LMX1B: variants seen among roughly 807,000 people sequenced by gnomAD.
LMX1B encodes the protein LIM homeobox transcription factor 1-beta.
Under a neutral mutation model 51.4 loss-of-function variants are expected in LMX1B, and 12 were observed. The ratio of observed to expected loss-of-function variants is 0.23; its 90% CI spans 0.15 to 0.38. LMX1B has a LOEUF of 0.38. LMX1B is among the 10% of genes least tolerant of loss of function. The pLI is 1.00. For missense variants in LMX1B, 445 were observed against 571.1 expected (o/e 0.78, Z 2.25); for synonymous variants, 237 against 235.4 (o/e 1.01, Z -0.06).
intron 2 of LMX1B, among the ~76,000 whole-genome samples, chr9:126,672,349 G>A (rs1411185103): frequency 6.6e-6 from 1 of 152,252 alleles, no homozygotes; most frequent in Non-Finnish European, 1.5e-5. Context: ...GGCTCTAGGT[G>A]AAGCAGGGTT....
At chr9:126,659,460 C>T (rs781453460) in intron 2 of LMX1B, among the ~76,000 whole-genome samples, 2 of 152,246 alleles carry the variant, frequency 1.3e-5, no homozygotes, top group African/African-American at 2.4e-5. Context: ...CTCATCCCAG[C>T]AGGGCGGGCA....
intron 2 of LMX1B, among the ~76,000 whole-genome samples, chr9:126,669,243 AG>A (rs1564161486): frequency 4.5e-5 from 2 of 44,866 alleles, no homozygotes; most frequent in African/African-American, 2.1e-4. Context: ...CCTGGCCGCG[AG>A]GAGGGTGGAG....
At chr9:126,679,870 A>G (rs1836641301) in intron 2 of LMX1B, among the ~76,000 whole-genome samples, 1 of 152,082 alleles carries the variant, frequency 6.6e-6, no homozygotes, top group African/African-American at 2.4e-5. Flanking sequence ...CCCAGCCCCA[A>G]CACTTCCCCC....
chr9:126,680,843 A>G (rs1476768475), intron 2 of LMX1B, among the ~76,000 whole-genome samples: 1 of 152,242 alleles, frequency 6.6e-6, no homozygotes, highest in East Asian at 1.9e-4. Flanking sequence ...GGCACATCAT[A>G]GCTCGCAGCC....
intron 2 of LMX1B, among the ~76,000 whole-genome samples, chr9:126,620,896 G>C (rs1279907851): frequency 6.6e-6 from 1 of 152,210 alleles, no homozygotes; most frequent in African/African-American, 2.4e-5. Context: ...CAATGGAGAA[G>C]GGGGTAGGTG....
intron 2 of LMX1B, among the ~76,000 whole-genome samples, chr9:126,633,115 T>C (rs1835659956): frequency 6.6e-6 from 1 of 152,200 alleles, no homozygotes. Flanking sequence ...TCCCAAGGCC[T>C]GGCACAAGAG....
chr9:126,664,602 G>A (rs1175670929), intron 2 of LMX1B, among the ~76,000 whole-genome samples: 2 of 152,318 alleles, frequency 1.3e-5, no homozygotes, highest in Middle Eastern at 3.4e-3. Flanking sequence ...TTGGCTGGGC[G>A]CGGTGGCTCA....
At position 126,615,591 on chromosome 9, in the gene LMX1B, T is replaced by C; in HGVS notation, c.326+22T>C. ...AACAGTAAGCGCTTCTCGTCCTCCT[T>C]CCCCGCCACCGCCCGGCACTCGAGC... is the stretch of plus-strand genomic sequence containing the variant. On this transcript the variant is annotated intron_variant, in intron 2 of 7. Transcript: ENST00000373474. The surrounding 1 kb of genome is among the most constrained non-coding windows in gnomAD (Gnocchi z 6.0). 1 of 1,586,712 alleles carries C rather than the reference T, an allele frequency of 6.3e-7. No individual in the cohort carries two copies. Among genetic ancestry groups the C allele is most frequent in the South Asian group, 1.1e-5 (1 of 87,944 alleles).
chr9:126,614,424 G>A lies in LMX1B; in HGVS notation c.-26G>A. The A allele has an allele frequency of 6.9e-7, 1 of 1,448,734 alleles. No individual in the cohort carries two copies. The highest frequency in any genetic ancestry group is 1.5e-5 in the African/African-American group (1 of 67,776). 89.7% of individuals were successfully genotyped at this position (1,448,734 alleles called of 1,614,324 possible). On this transcript the variant is annotated 5_prime_UTR_variant, in exon 1 of 8. Coordinates refer to ENST00000373474, the MANE Select transcript of LMX1B (RefSeq NM_001174147.2). ...CCGGCGGGCGAGCAGCCCGGCCGGC[G>A]GGGTCCGCAGCGCGCCCCGCGTCCC...
chr9:126,652,770 G>A (rs1348813944), intron 2 of LMX1B, among the ~76,000 whole-genome samples: 2 of 152,222 alleles, frequency 1.3e-5, no homozygotes, highest in African/African-American at 4.8e-5. Flanking sequence ...TGAAGTACCT[G>A]GAGCCTGTGG....
At chr9:126,617,504 G>T (rs779677044) in intron 2 of LMX1B, among the ~76,000 whole-genome samples, 3 of 150,520 alleles carry the variant, frequency 2.0e-5, no homozygotes, top group Non-Finnish European at 4.4e-5. Flanking sequence ...AAAAAAAAAA[G>T]GAAAGGATAA....
At chr9:126,693,645 G>A (rs1364608431) in intron 5 of LMX1B, 44 bp downstream of exon 5, 5 of 1,611,512 alleles carry the variant, frequency 3.1e-6, no homozygotes, top group Admixed American at 3.3e-5. Context: ...GGTAGGGTGG[G>A]ACTAGAGGGG....
At chr9:126,655,283 C>T (rs886775393) in intron 2 of LMX1B, among the ~76,000 whole-genome samples, 2 of 152,190 alleles carry the variant, frequency 1.3e-5, no homozygotes, top group Non-Finnish European at 2.9e-5. Flanking sequence ...GATGTGGTGG[C>T]CCCCTTCGAT....
chr9:126,688,413 C>CA (rs1291613797), intron 2 of LMX1B, among the ~76,000 whole-genome samples: 2 of 152,238 alleles, frequency 1.3e-5, no homozygotes, highest in African/African-American at 4.8e-5. Context: ...GTGGCGCTCC[C>CA]ACGCTAGCAG....
intron 2 of LMX1B, among the ~76,000 whole-genome samples, chr9:126,682,279 GATATT>G (rs1836690835): frequency 6.6e-6 from 1 of 151,586 alleles, no homozygotes; most frequent in East Asian, 1.9e-4. Flanking sequence ...CACTTCCCCC[GATATT>G]GTAGATACCA....
chr9:126,619,286 C>A (rs992687554), intron 2 of LMX1B, among the ~76,000 whole-genome samples: 1 of 152,196 alleles, frequency 6.6e-6, no homozygotes, highest in Non-Finnish European at 1.5e-5. Context: ...ACCTCTCCCC[C>A]CACACTCCCC....
intron 2 of LMX1B, among the ~76,000 whole-genome samples, chr9:126,629,387 A>G (rs1835594286): frequency 6.6e-6 from 1 of 152,208 alleles, no homozygotes; most frequent in African/African-American, 2.4e-5. Context: ...AGCACTTTCC[A>G]TTCTTTAATG....
chr9:126,693,837 T>C, intron 6 of LMX1B, 25 bp downstream of exon 6: 1 of 1,082,906 alleles, frequency 9.2e-7, no homozygotes, highest in Non-Finnish European at 1.4e-6. Context: ...GGGCAGGGCC[T>C]GGGCCAGGGT....
chr9:126,656,711 TGCAAG>T (rs1836123505), intron 2 of LMX1B, among the ~76,000 whole-genome samples: 1 of 152,218 alleles, frequency 6.6e-6, no homozygotes, highest in African/African-American at 2.4e-5. Context: ...AACAGTTGAC[TGCAAG>T]GTTTCTCAGG....
Sources: gnomAD v4.1 joint callset for allele counts (sites outside exome capture counted in the v4.1 genomes callset) on GRCh38, gnomAD v4.1.1 for gene constraint, Gnocchi (gnomAD v3.1) non-coding constraint, MANE v1.5 for transcripts, NCBI Gene and HGNC (gene_info 2026-07-23, HGNC 2026-07-21) for gene names.